Variants in SLC4A10 observed in about 807,000 individuals in gnomAD.
The protein encoded by SLC4A10 is solute carrier family 4 member 10.
In SLC4A10, 42 loss-of-function variants were observed where a neutral mutation model predicts 137.7. The observed-to-expected ratio is 0.30, with a 90% CI of 0.24 to 0.39. SLC4A10 has a LOEUF of 0.39. Among genes scored for constraint, SLC4A10 ranks in the 10% least tolerant of loss-of-function variants. SLC4A10 has a pLI of 1.00. For synonymous variants in SLC4A10, 474 were observed against 464.1 expected, an observed-to-expected ratio of 1.02 and a Z score of -0.27; for missense variants, 925 against 1,355.0, an observed-to-expected ratio of 0.68 and a Z score of 4.98.
chr2:161,942,947 T>C (rs1248377882), intron 16 of SLC4A10, 50 bp downstream of exon 16: 1 of 1,443,942 alleles, frequency 6.9e-7, no homozygotes, highest in Non-Finnish European at 9.5e-7. Context: ...TTTGTTGACA[T>C]TTTGACTCAA....
At chr2:161,903,371 A>G (rs1367152659) in intron 12 of SLC4A10, among the ~76,000 whole-genome samples, 1 of 152,198 alleles carries the variant, frequency 6.6e-6, no homozygotes, top group Admixed American at 6.5e-5. Flanking sequence ...CTAGTTTTCT[A>G]AAAATGAAAA....
chr2:161,844,168 G>A (rs2059354256), intron 4 of SLC4A10, among the ~76,000 whole-genome samples: 1 of 152,092 alleles, frequency 6.6e-6, no homozygotes, highest in South Asian at 2.1e-4. Flanking sequence ...GAACTCAGAA[G>A]AGGCAAAGCA....
At chr2:161,684,916 A>G (rs1249120991) in intron 1 of SLC4A10, among the ~76,000 whole-genome samples, 1 of 152,130 alleles carries the variant, frequency 6.6e-6, no homozygotes, top group Admixed American at 6.5e-5. Flanking sequence ...TATGTTGCTG[A>G]TTCTGAGGTT....
intron 6 of SLC4A10, among the ~76,000 whole-genome samples, chr2:161,867,204 T>C (rs1214377289): frequency 6.6e-6 from 1 of 151,986 alleles, no homozygotes; most frequent in Non-Finnish European, 1.5e-5. Flanking sequence ...TTTATGGTTT[T>C]GGAAATCAGA....
At chr2:161,825,672 A>G (rs1223774537) in intron 3 of SLC4A10, among the ~76,000 whole-genome samples, 1 of 152,190 alleles carries the variant, frequency 6.6e-6, no homozygotes, top group Non-Finnish European at 1.5e-5. Flanking sequence ...GTGCTCTGGT[A>G]AATACTGAAA....
At chr2:161,791,726 ATG>A (rs1465369108) in intron 2 of SLC4A10, among the ~76,000 whole-genome samples, 4 of 152,334 alleles carry the variant, frequency 2.6e-5, no homozygotes, top group South Asian at 4.1e-4. Flanking sequence ...TAATTTGTGT[ATG>A]TGACTCACAT....
intron 6 of SLC4A10, among the ~76,000 whole-genome samples, chr2:161,869,906 G>A (rs1159926627): frequency 1.3e-5 from 2 of 151,200 alleles, no homozygotes; most frequent in South Asian, 2.1e-4. Flanking sequence ...TTTTATATTA[G>A]CATACATTCT....
chr2:161,949,098 C>T, intron 17 of SLC4A10, 50 bp from the exon 18 acceptor site: 1 of 1,191,700 alleles, frequency 8.4e-7, no homozygotes, highest in South Asian at 1.3e-5. Context: ...CCTGAGTATT[C>T]CTTGATATTT....
At chr2:161,665,935 A>ATT (rs1360958120) in intron 1 of SLC4A10, among the ~76,000 whole-genome samples, 2 of 148,076 alleles carry the variant, frequency 1.4e-5, no homozygotes, top group African/African-American at 2.5e-5. Flanking sequence ...TATAGACTAC[A>ATT]TTATATATAT....
chr2:161,675,102 A>G (rs2040138699), intron 1 of SLC4A10, among the ~76,000 whole-genome samples: 1 of 152,220 alleles, frequency 6.6e-6, no homozygotes, highest in African/African-American at 2.4e-5. Context: ...GTGAAGTTGC[A>G]ATCAGGCCAG....
At chr2:161,824,639 G>A (rs770594917) in intron 3 of SLC4A10, among the ~76,000 whole-genome samples, 3 of 152,110 alleles carry the variant, frequency 2.0e-5, no homozygotes, top group Non-Finnish European at 4.4e-5. Flanking sequence ...CATTGAAAAA[G>A]CAGTGCCAGA....
intron 2 of SLC4A10, among the ~76,000 whole-genome samples, chr2:161,773,456 C>T (rs903482816): frequency 1.3e-5 from 2 of 151,780 alleles, no homozygotes; most frequent in African/African-American, 4.8e-5. Context: ...ATTAAGGCAG[C>T]TAATACACAA....
chr2:161,968,662 T>C (rs1698004711), intron 23 of SLC4A10, among the ~76,000 whole-genome samples: 1 of 152,114 alleles, frequency 6.6e-6, no homozygotes, highest in African/African-American at 2.4e-5. Context: ...AAATCAATAA[T>C]ACAGTCAAGA....
intron 21 of SLC4A10, 65 bp downstream of exon 21, chr2:161,958,620 A>C: frequency 1.7e-6 from 2 of 1,207,084 alleles, no homozygotes; most frequent in Middle Eastern, 1.9e-4. Context: ...CTGATAAGTC[A>C]TGTGACAGCT....
At chr2:161,720,276 C>T (rs1029008415) in intron 1 of SLC4A10, among the ~76,000 whole-genome samples, 17 of 152,096 alleles carry the variant, frequency 1.1e-4, no homozygotes, top group African/African-American at 2.9e-4. Flanking sequence ...GTACCAGTAC[C>T]ATGCTGTTTT....
At chr2:161,832,350 A>C (rs1007091061) in intron 3 of SLC4A10, among the ~76,000 whole-genome samples, 2 of 152,160 alleles carry the variant, frequency 1.3e-5, no homozygotes, top group Non-Finnish European at 2.9e-5. Flanking sequence ...TACCCTTCAC[A>C]ATTCTTGGCA....
intron 1 of SLC4A10, among the ~76,000 whole-genome samples, chr2:161,653,315 T>C (rs2037066654): frequency 6.6e-6 from 1 of 152,222 alleles, no homozygotes; most frequent in Non-Finnish European, 1.5e-5. Context: ...AAACATAGTG[T>C]GCATGTGTCT....
At chr2:161,844,694 A>G (rs1026602399) in intron 4 of SLC4A10, among the ~76,000 whole-genome samples, 2 of 152,146 alleles carry the variant, frequency 1.3e-5, no homozygotes, top group Non-Finnish European at 1.5e-5. Context: ...AACCTTCTCT[A>G]GAAGCACCTA....
At chr2:161,669,116 T>A (rs965608324) in intron 1 of SLC4A10, among the ~76,000 whole-genome samples, 2 of 151,954 alleles carry the variant, frequency 1.3e-5, no homozygotes, top group African/African-American at 4.8e-5. Flanking sequence ...AGACACAAAC[T>A]GTATGACTAT....
Sources: gnomAD v4.1 joint callset for allele counts (sites outside exome capture counted in the v4.1 genomes callset) on GRCh38, gnomAD v4.1.1 for gene constraint, MANE v1.5 for transcripts, NCBI Gene and HGNC (gene_info 2026-07-23, HGNC 2026-07-21) for gene names.